Variants in TENM3 observed in about 807,000 individuals in gnomAD.
TENM3 encodes the protein teneurin transmembrane protein 3, also known as teneurin-3.
A neutral mutation model predicts 255.1 loss-of-function variants in TENM3; 63 were observed. The observed-to-expected ratio is 0.25, with a 90% confidence interval of 0.20 to 0.30. The LOEUF is 0.30. Ranked by LOEUF, TENM3 falls within the 10% of genes least tolerant of loss-of-function variation. The pLI is 1.00. For missense variants in TENM3, 2,929 were observed against 3,461.1 expected (o/e 0.85, Z 3.86); for synonymous variants, 1,306 against 1,322.3 (o/e 0.99, Z 0.27).
rs181991199 is a variant in TENM3, at chr4:182,496,394, A to G, written c.512-104530A>G. Among the ~76,000 whole-genome samples the G allele has an allele frequency of 2.6e-4, 40 of 152,256 alleles. No individual in the cohort carries two copies. In the East Asian group the frequency reaches 7.2e-3, roughly 27 times the overall value. ...AAGCATACATTTTCCTGAGAGGAAA[A>G]AAAAAATGCCTTTAGACATCAATAA... On this transcript the variant is annotated intron_variant, in intron 3 of 27. Transcript: ENST00000511685.
chr4:182,229,535 A>T (rs1756411165), intron 1 of TENM3, among the ~76,000 whole-genome samples: 2 of 151,998 alleles, frequency 1.3e-5, no homozygotes. Flanking sequence ...TTAATATTTG[A>T]TTTACCAAGA....
the TENM3 span, among the ~76,000 whole-genome samples, chr4:181,979,178 G>C: frequency 6.1e-5 from 7 of 115,148 alleles, no homozygotes; most frequent in Admixed American, 4.2e-4. Flanking sequence ...TGACTACCAT[G>C]GTATGGACTA....
At chr4:181,804,911 G>A in the TENM3 span, among the ~76,000 whole-genome samples, 3 of 152,010 alleles carry the variant, frequency 2.0e-5, no homozygotes, top group African/African-American at 7.2e-5. Flanking sequence ...AAAACTCCCG[G>A]TGCCTTTTCT....
the TENM3 span, among the ~76,000 whole-genome samples, chr4:181,452,302 G>A: frequency 3.9e-5 from 6 of 152,214 alleles, no homozygotes; most frequent in East Asian, 1.2e-3. Context: ...GAAGTAAAAG[G>A]AAATTTTTAA....
At chr4:181,828,703 C>G in the TENM3 span, among the ~76,000 whole-genome samples, 1 of 152,206 alleles carries the variant, frequency 6.6e-6, no homozygotes, top group Admixed American at 6.5e-5. Context: ...ATTCTCCTGC[C>G]TCAGCCTCCT....
the TENM3 span, among the ~76,000 whole-genome samples, chr4:182,110,097 G>A: frequency 7.6e-6 from 1 of 131,824 alleles, no homozygotes; most frequent in African/African-American, 2.9e-5. Flanking sequence ...CTGGGAGACA[G>A]AGCGAGACTC....
chr4:181,993,473 C>T, the TENM3 span, among the ~76,000 whole-genome samples: 1 of 152,270 alleles, frequency 6.6e-6, no homozygotes, highest in Non-Finnish European at 1.5e-5. Context: ...AGCTAAAGAA[C>T]AGCTTCGCTG....
intron 5 of TENM3, among the ~76,000 whole-genome samples, chr4:182,633,819 G>A (rs1160618155): frequency 2.6e-5 from 4 of 152,180 alleles, no homozygotes; most frequent in Admixed American, 6.5e-5. Flanking sequence ...AGTAAAAATA[G>A]AGAAGAAATT....
the TENM3 span, among the ~76,000 whole-genome samples, chr4:181,479,489 AT>A: frequency 6.6e-6 from 1 of 152,320 alleles, no homozygotes; most frequent in Admixed American, 6.5e-5. Context: ...TATTAAAATC[AT>A]TTAAGTCATA....
the TENM3 span, among the ~76,000 whole-genome samples, chr4:181,449,599 T>A: frequency 1.3e-5 from 2 of 151,748 alleles, no homozygotes; most frequent in Non-Finnish European, 1.5e-5. Flanking sequence ...GCCTGGCCAA[T>A]GTAGTGAAAC....
chr4:182,514,565 A>T (rs1025404777), intron 3 of TENM3, among the ~76,000 whole-genome samples: 1 of 152,190 alleles, frequency 6.6e-6, no homozygotes, highest in African/African-American at 2.4e-5. Flanking sequence ...CCGGCCCTAT[A>T]TGAAGATATG....
chr4:182,365,465 C>T (rs1241221747), intron 3 of TENM3, among the ~76,000 whole-genome samples: 5 of 152,168 alleles, frequency 3.3e-5, no homozygotes, highest in Non-Finnish European at 4.4e-5. Context: ...AACAGGTGTA[C>T]GTGAGCTGGG....
At chr4:182,100,568 T>TATATACAC in the TENM3 span, among the ~76,000 whole-genome samples, 14 of 120,884 alleles carry the variant, frequency 1.2e-4, no homozygotes, top group South Asian at 2.7e-4. Flanking sequence ...TATACACACA[T>TATATACAC]ATATATACAC....
At chr4:182,294,367 G>T (rs1020535773) in intron 1 of TENM3, among the ~76,000 whole-genome samples, 3 of 152,038 alleles carry the variant, frequency 2.0e-5, no homozygotes, top group African/African-American at 7.2e-5. Context: ...AACTGTGGCT[G>T]CCCTGAAACA....
At position 182,250,667 on chromosome 4, in the gene TENM3, A is replaced by G. The variant is rs35118241; in HGVS notation, c.-76+7191A>G. 3.7e-3 allele frequency among the ~76,000 whole-genome samples: 560 copies of G among 152,340 alleles called. 2 individuals carry two copies. The highest frequency in any genetic ancestry group is 0.013 in the African/African-American group (529 of 41,586). On this transcript the variant is annotated intron_variant, in intron 1 of 27. Coordinates refer to ENST00000511685, the MANE Select transcript of TENM3 (RefSeq NM_001080477.4). ...TACGTGTGAATGATTTCCAGCTAGT[A>G]GAGAAAAACCTAAACTATCTATAAC...
At chr4:181,657,059 C>T in the TENM3 span, among the ~76,000 whole-genome samples, 1 of 152,278 alleles carries the variant, frequency 6.6e-6, no homozygotes, top group Non-Finnish European at 1.5e-5. Flanking sequence ...CTGGCCTGTG[C>T]GCGTAGTAAA....
the TENM3 span, among the ~76,000 whole-genome samples, chr4:181,718,671 T>C: frequency 6.6e-6 from 1 of 152,222 alleles, no homozygotes; most frequent in South Asian, 2.1e-4. Flanking sequence ...TTTCTAGGCT[T>C]ACCTGGGTCA....
At chr4:182,107,474 C>T in the TENM3 span, among the ~76,000 whole-genome samples, 15,012 of 152,200 alleles carry the variant, frequency 0.099, 1,031 homozygotes, top group South Asian at 0.16. Flanking sequence ...CAGGATGTTG[C>T]ATTCCTGGCA....
chr4:182,025,020 A>ATTTTTTTTTTTTTT, the TENM3 span, among the ~76,000 whole-genome samples: 45 of 121,112 alleles, frequency 3.7e-4, 1 homozygote, highest in African/African-American at 1.4e-3. Flanking sequence ...ACAGGATTTC[A>ATTTTTTTTTTTTTT]TTTTTTTTTT....
Sources: allele counts gnomAD v4.1 joint callset (sites outside exome capture counted in the v4.1 genomes callset), GRCh38; gene constraint gnomAD v4.1.1; transcripts MANE v1.5; gene names NCBI Gene and HGNC (gene_info 2026-07-23, HGNC 2026-07-21).